NMNAT3: variants seen among roughly 807,000 people sequenced by gnomAD.
NMNAT3 encodes the protein nicotinamide nucleotide adenylyltransferase 3.
In NMNAT3, 21 loss-of-function variants were observed where a neutral mutation model predicts 24.8. The ratio of observed to expected loss-of-function variants is 0.85; its 90% CI spans 0.60 to 1.22. The LOEUF (loss-of-function observed/expected upper bound fraction) is 1.22, where lower values mean the gene tolerates loss of function less well. Ranked by LOEUF, NMNAT3 falls within the 50% of genes most tolerant of loss-of-function variation. The pLI, the probability that NMNAT3 is intolerant of heterozygous loss-of-function variation, is 0.00. For synonymous variants in NMNAT3, 136 were observed against 155.2 expected (o/e 0.88, Z 0.92); for missense variants, 387 against 436.6 (o/e 0.89, Z 1.01).
At chr3:139,614,963 T>A (rs2055416549) in intron 3 of NMNAT3, among the ~76,000 whole-genome samples, 1 of 152,262 alleles carries the variant, frequency 6.6e-6, no homozygotes, top group Non-Finnish European at 1.5e-5. Flanking sequence ...CATTCTACTG[T>A]AAGAAAGAGC....
chr3:139,648,635 A>G (rs938997909), intron 1 of NMNAT3, among the ~76,000 whole-genome samples: 1 of 152,222 alleles, frequency 6.6e-6, no homozygotes, highest in East Asian at 1.9e-4. Flanking sequence ...ATATCTTCAA[A>G]CAAATAGTTT....
intron 5 of NMNAT3, 88 bp downstream of exon 5, chr3:139,578,784 C>A (rs1939702052): frequency 1.6e-6 from 2 of 1,228,960 alleles, no homozygotes; most frequent in East Asian, 5.0e-5. Flanking sequence ...AAACCCAGCC[C>A]CACAATCTGC....
At chr3:139,568,736 T>C (rs1051911856) in intron 6 of NMNAT3, 1 of 152,192 alleles carries the variant, frequency 6.6e-6, no homozygotes, top group Non-Finnish European at 1.5e-5. Context: ...TTCTTTTACA[T>C]TTGCTGAGGA....
intron 3 of NMNAT3, among the ~76,000 whole-genome samples, chr3:139,603,377 A>G (rs1167739131): frequency 6.6e-6 from 1 of 152,164 alleles, no homozygotes; most frequent in Non-Finnish European, 1.5e-5. Context: ...TGCCCATGTT[A>G]CCCAGACTTA....
At chr3:139,593,989 C>CA (rs1217510916) in intron 3 of NMNAT3, among the ~76,000 whole-genome samples, 2 of 150,922 alleles carry the variant, frequency 1.3e-5, no homozygotes, top group East Asian at 1.9e-4. Context: ...AATAGAGACA[C>CA]AAAAAACCCT....
intron 3 of NMNAT3, chr3:139,609,657 GTTTT>G (rs139711562): frequency 7.4e-6 from 1 of 134,696 alleles, no homozygotes; most frequent in Admixed American, 8.2e-5. Flanking sequence ...CAACTTACTT[GTTTT>G]TTTTTTAAGA....
chr3:139,579,396 C>A (rs573983599), intron 4 of NMNAT3, among the ~76,000 whole-genome samples: 1 of 152,298 alleles, frequency 6.6e-6, no homozygotes, highest in South Asian at 2.1e-4. Context: ...AGCATGACTT[C>A]CCCTTCTATA....
intron 1 of NMNAT3, among the ~76,000 whole-genome samples, chr3:139,646,389 A>G (rs556340787): frequency 3.6e-4 from 55 of 152,246 alleles, no homozygotes; most frequent in African/African-American, 1.3e-3. Flanking sequence ...TTCACATTCA[A>G]TAGTTTTTTA....
intron 3 of NMNAT3, among the ~76,000 whole-genome samples, chr3:139,591,028 G>A (rs992645525): frequency 5.9e-5 from 9 of 151,982 alleles, no homozygotes; most frequent in Non-Finnish European, 8.8e-5. Flanking sequence ...CACAGAAGAC[G>A]GGTGATTTCT....
At chr3:139,593,622 C>G (rs566951545) in intron 3 of NMNAT3, among the ~76,000 whole-genome samples, 2 of 151,846 alleles carry the variant, frequency 1.3e-5, no homozygotes, top group East Asian at 3.9e-4. Context: ...TCTCAGACCA[C>G]AGTGCAATCA....
intron 2 of NMNAT3, among the ~76,000 whole-genome samples, chr3:139,631,666 C>T (rs1423013397): frequency 1.3e-5 from 2 of 151,936 alleles, no homozygotes; most frequent in African/African-American, 4.8e-5. Flanking sequence ...CAGCTTACTG[C>T]CTCCCACTCC....
chr3:139,666,493 T>A (rs892556401), intron 1 of NMNAT3, among the ~76,000 whole-genome samples: 1 of 152,232 alleles, frequency 6.6e-6, no homozygotes, highest in Non-Finnish European at 1.5e-5. Context: ...TAATTGTACA[T>A]ATTGATAGGG....
At chr3:139,676,429 G>A (rs1336735401) in intron 1 of NMNAT3, among the ~76,000 whole-genome samples, 1 of 152,190 alleles carries the variant, frequency 6.6e-6, no homozygotes, top group Non-Finnish European at 1.5e-5. Flanking sequence ...AGTTTTAAGA[G>A]GTGACACCAA....
In NMNAT3 at chr3:139,616,658, C is replaced by T. The variant is rs548161318; in HGVS notation, c.109+10958G>A. Among the ~76,000 whole-genome samples, 7 of 152,254 alleles carry T rather than the reference C, an allele frequency of 4.6e-5. No homozygotes were observed. The South Asian group carries it at 1.5e-3, about 32-fold the overall frequency. On this transcript the variant is annotated intron_variant, in intron 3 of 6. Coordinates refer to ENST00000643695, the MANE Select transcript of NMNAT3 (RefSeq NM_001320510.2). ...TCAATCCATTACCAGGTCAATTTTA[C>T]CTTCTAATTATACCTTCACTGTCAA...
At chr3:139,610,446 A>T (rs2108253504) in intron 3 of NMNAT3, among the ~76,000 whole-genome samples, 1 of 152,340 alleles carries the variant, frequency 6.6e-6, no homozygotes, top group African/African-American at 2.4e-5. Context: ...CATGATATGA[A>T]AAAAAATTAT....
In NMNAT3 at chr3:139,629,199, C is replaced by T. The variant is rs1421481083; in HGVS notation, c.-40-1435G>A. On this transcript the variant is annotated intron_variant, in intron 2 of 6. Coordinates refer to ENST00000643695, the MANE Select transcript of NMNAT3 (RefSeq NM_001320510.2). ...TACTTGCTCACCCTGATGCAGCCAGCAGGCAGGTTGTGAGCTGCCCCGTGG... is the reference window on the plus strand; with the variant it reads ...TACTTGCTCACCCTGATGCAGCCAGTAGGCAGGTTGTGAGCTGCCCCGTGG... Among the ~76,000 whole-genome samples, 7 of 152,320 alleles carry T rather than the reference C, an allele frequency of 4.6e-5. No individual in the cohort carries two copies. In the East Asian group the frequency reaches 1.3e-3, roughly 29 times the overall value.
chr3:139,612,717 A>G (rs1348943538), intron 3 of NMNAT3, among the ~76,000 whole-genome samples: 1 of 152,182 alleles, frequency 6.6e-6, no homozygotes, highest in Admixed American at 6.5e-5. Flanking sequence ...CCCATGGCCT[A>G]GTAAGCACAT....
At position 139,620,122 on chromosome 3, in the gene NMNAT3, CT is replaced by C. The variant is rs200279558; in HGVS notation, c.109+7493del. ...TGGAATTTTATAGTTTCCAATTTCT[CT>C]TACTATTTATTTGTTGTGTCTTTTG... is the stretch of plus-strand genomic sequence containing the variant. On this transcript the variant is annotated intron_variant, in intron 3 of 6. Coordinates refer to ENST00000643695, the MANE Select transcript of NMNAT3 (RefSeq NM_001320510.2). Among the ~76,000 whole-genome samples the C allele has an allele frequency of 1.4e-3, 212 of 149,690 alleles. 8 individuals carry two copies. In the East Asian group the frequency reaches 0.04, roughly 28 times the overall value.
chr3:139,675,621 C>A (rs1445232442), intron 1 of NMNAT3, among the ~76,000 whole-genome samples: 1 of 152,138 alleles, frequency 6.6e-6, no homozygotes, highest in African/African-American at 2.4e-5. Flanking sequence ...GATAATCTAA[C>A]CCCCTGACTA....
Sources: allele counts gnomAD v4.1 joint callset (sites outside exome capture counted in the v4.1 genomes callset), GRCh38; gene constraint gnomAD v4.1.1; transcripts MANE v1.5; gene names NCBI Gene and HGNC (gene_info 2026-07-23, HGNC 2026-07-21).